Variants in GMDS observed in about 807,000 individuals in gnomAD.
GMDS encodes the protein GDP-mannose 4,6 dehydratase.
GMDS carries 20 observed loss-of-function variants against 49.9 expected under a neutral mutation model. That is an observed-to-expected ratio of 0.40 (90% confidence interval 0.28 to 0.58). GMDS has a LOEUF of 0.58. Among genes scored for constraint, GMDS ranks in the 20% least tolerant of loss-of-function variants. GMDS has a pLI of 0.42. For synonymous variants in GMDS, 177 were observed against 178.6 expected, an observed-to-expected ratio of 0.99 and a Z score of 0.07; for missense variants, 362 against 481.4, an observed-to-expected ratio of 0.75 and a Z score of 2.32.
chr6:1,975,391 T>C (rs1048165087), intron 4 of GMDS, among the ~76,000 whole-genome samples: 3 of 152,190 alleles, frequency 2.0e-5, no homozygotes, highest in Admixed American at 6.5e-5. Flanking sequence ...ACTGGGAGAA[T>C]GTTCCAGCTC....
At chr6:2,111,929 C>T (rs1774568458) in intron 4 of GMDS, among the ~76,000 whole-genome samples, 1 of 152,138 alleles carries the variant, frequency 6.6e-6, no homozygotes, top group Non-Finnish European at 1.5e-5. Context: ...CAATTGCAAC[C>T]CACCATGGAG....
intron 1 of GMDS, among the ~76,000 whole-genome samples, chr6:2,196,360 G>A (rs1226632074): frequency 2.0e-5 from 3 of 152,194 alleles, no homozygotes; most frequent in Admixed American, 6.5e-5. Context: ...GCCAAGACCA[G>A]AAAGAGTTTA....
chr6:1,774,156 G>A (rs1302142718), intron 7 of GMDS, among the ~76,000 whole-genome samples: 1 of 152,160 alleles, frequency 6.6e-6, no homozygotes, highest in Non-Finnish European at 1.5e-5. Flanking sequence ...AAAACCATAA[G>A]AATTCTACTT....
chr6:1,889,161 C>A (rs1759755969), intron 7 of GMDS, among the ~76,000 whole-genome samples: 1 of 152,144 alleles, frequency 6.6e-6, no homozygotes, highest in African/African-American at 2.4e-5. Flanking sequence ...TTTCCTTAAG[C>A]CTTCACTCAT....
At chr6:2,137,474 C>T (rs1187010919) in intron 1 of GMDS, among the ~76,000 whole-genome samples, 1 of 151,936 alleles carries the variant, frequency 6.6e-6, no homozygotes, top group East Asian at 1.9e-4. Flanking sequence ...GCTGGGATTA[C>T]AGGCATGCGT....
intron 9 of GMDS, among the ~76,000 whole-genome samples, chr6:1,723,866 A>T (rs1170930641): frequency 6.6e-6 from 1 of 152,180 alleles, no homozygotes; most frequent in Non-Finnish European, 1.5e-5. Flanking sequence ...GGTGCTTTTC[A>T]GGACTCATAC....
chr6:2,149,265 G>A (rs762355376), intron 1 of GMDS, among the ~76,000 whole-genome samples: 1 of 152,182 alleles, frequency 6.6e-6, no homozygotes, highest in African/African-American at 2.4e-5. Flanking sequence ...TTGATTTGAA[G>A]AGAGCATCAG....
rs567840690 is a variant in GMDS, at chr6:2,054,722, T to C, written c.345+61049A>G. 7.2e-5 allele frequency among the ~76,000 whole-genome samples: 11 copies of C among 152,094 alleles called. No homozygotes were observed. In the East Asian group the frequency reaches 2.1e-3, roughly 29 times the overall value. On this transcript the variant is annotated intron_variant, in intron 4 of 10. Coordinates refer to ENST00000380815, the MANE Select transcript of GMDS (RefSeq NM_001500.4). ...CCACCCATGAGTCTGAGTTTGCAGT[T>C]TGAGTCACCAAAATTAATTTTTTAC...
At chr6:1,958,714 C>T (rs1763774694) in intron 6 of GMDS, among the ~76,000 whole-genome samples, 1 of 152,116 alleles carries the variant, frequency 6.6e-6, no homozygotes, top group Non-Finnish European at 1.5e-5. Context: ...TATATAGTCA[C>T]ATAAAATTTC....
chr6:2,015,515 A>G (rs1735293745), intron 4 of GMDS, among the ~76,000 whole-genome samples: 2 of 152,214 alleles, frequency 1.3e-5, no homozygotes. Flanking sequence ...AGCAGTGCTT[A>G]GAGGAAAATG....
chr6:1,892,586 T>C lies in GMDS; in HGVS notation c.771+37517A>G, dbSNP rs538919030. Among the ~76,000 whole-genome samples, 6 of 152,284 alleles carry C rather than the reference T, an allele frequency of 3.9e-5. No homozygotes were observed. The East Asian group carries it at 1.2e-3, about 29-fold the overall frequency. On this transcript the variant is annotated intron_variant, in intron 7 of 10. Coordinates refer to ENST00000380815, the MANE Select transcript of GMDS (RefSeq NM_001500.4). ...ATTGGTCAGGCTGGTCTCAAACTCC[T>C]GACCTCAGGTGATCTACTTGCCTTG...
At chr6:2,077,996 A>G (rs1772447802) in intron 4 of GMDS, among the ~76,000 whole-genome samples, 1 of 152,034 alleles carries the variant, frequency 6.6e-6, no homozygotes, top group Non-Finnish European at 1.5e-5. Flanking sequence ...TGTTTTTTCC[A>G]GATTCAAGCT....
chr6:2,234,580 G>C (rs1781265203), intron 1 of GMDS, among the ~76,000 whole-genome samples: 1 of 152,078 alleles, frequency 6.6e-6, no homozygotes, highest in African/African-American at 2.4e-5. Flanking sequence ...CTGCACTCCA[G>C]CCTGGGCAAT....
At chr6:1,943,765 G>A (rs1022027366) in intron 6 of GMDS, among the ~76,000 whole-genome samples, 4 of 152,188 alleles carry the variant, frequency 2.6e-5, no homozygotes, top group Admixed American at 6.5e-5. Context: ...CTTCTGACAC[G>A]TATTAGGGTT....
At chr6:2,040,620 A>G (rs906678180) in intron 4 of GMDS, among the ~76,000 whole-genome samples, 2 of 152,210 alleles carry the variant, frequency 1.3e-5, no homozygotes, top group African/African-American at 4.8e-5. Flanking sequence ...GGACTTTATG[A>G]AGAGAAAGTA....
intron 7 of GMDS, among the ~76,000 whole-genome samples, chr6:1,815,726 T>C (rs1770633949): frequency 1.3e-5 from 2 of 152,136 alleles, no homozygotes; most frequent in African/African-American, 2.4e-5. Flanking sequence ...ATCCCTTTCT[T>C]TTTGCTTTCT....
intron 1 of GMDS, among the ~76,000 whole-genome samples, chr6:2,237,176 T>C (rs1302484531): frequency 6.6e-6 from 1 of 152,128 alleles, no homozygotes; most frequent in Non-Finnish European, 1.5e-5. Flanking sequence ...CAAAATAATA[T>C]CCTGGAAAGC....
At chr6:2,195,032 A>G (rs887994258) in intron 1 of GMDS, among the ~76,000 whole-genome samples, 3 of 152,242 alleles carry the variant, frequency 2.0e-5, no homozygotes, top group Non-Finnish European at 2.9e-5. Flanking sequence ...AATAATATCA[A>G]TAAAAATCTT....
chr6:2,120,060 G>C (rs1166666614), intron 2 of GMDS, among the ~76,000 whole-genome samples: 1 of 152,120 alleles, frequency 6.6e-6, no homozygotes, highest in African/African-American at 2.4e-5. Context: ...CGACTCCCAG[G>C]GATGGTTAAT....
Sources: gnomAD v4.1 joint callset for allele counts (sites outside exome capture counted in the v4.1 genomes callset) on GRCh38, gnomAD v4.1.1 for gene constraint, MANE v1.5 for transcripts, NCBI Gene and HGNC (gene_info 2026-07-23, HGNC 2026-07-21) for gene names.